Variants in SHBG observed in about 807,000 individuals in gnomAD.
SHBG encodes sex hormone-binding globulin.
In SHBG, 37 loss-of-function variants were observed where a neutral mutation model predicts 41.9. That is an observed-to-expected ratio of 0.88 (90% CI 0.68 to 1.16). The LOEUF is 1.16. Among genes scored for constraint, SHBG ranks in the 50% most tolerant of loss-of-function variants. The probability of loss-of-function intolerance (pLI) is 0.00; values close to 1 mark genes in which losing one functional copy is unlikely to be tolerated. For synonymous variants in SHBG, 217 were observed against 205.8 expected (o/e 1.05, Z -0.47); for missense variants, 466 against 499.9 (o/e 0.93, Z 0.65).
chr17:7,631,132 C>G lies in SHBG; in HGVS notation c.394-68C>G, dbSNP rs1213664869. 4 of 1,438,746 alleles carry G rather than the reference C, an allele frequency of 2.8e-6. No homozygotes were observed. The African/African-American group carries it at 5.7e-5, about 21-fold the overall frequency. The allele number at this position is 1,438,746 out of a possible 1,614,324, so 89.1% of individuals were successfully genotyped here. A position where few individuals can be genotyped will look rare whatever the true frequency, so the allele number is the denominator to read the frequency against. On this transcript the variant is annotated intron_variant, in intron 3 of 7. Transcript: ENST00000380450. Reference sequence around the variant, plus strand: ...ATGTTCTTTCCACTATAGTACTAGGCTGCCTCACAGGAAGGTGGCAGAAAC... The same window carrying G: ...ATGTTCTTTCCACTATAGTACTAGGGTGCCTCACAGGAAGGTGGCAGAAAC...
At chr17:7,614,347 A>G in intron 1 of SHBG, 2 of 837,944 alleles carry the variant, frequency 2.4e-6, no homozygotes, top group South Asian at 1.7e-5. Flanking sequence ...CAAGATTCTA[A>G]GGGCCAGGAC....
rs1490696951 is a variant in SHBG, at chr17:7,630,170, A to T, written c.-3A>T. On this transcript the variant is annotated 5_prime_UTR_variant, in exon 1 of 8. Transcript: ENST00000380450. The surrounding 1 kb of genome is among the most constrained non-coding windows in gnomAD (Gnocchi z 4.6). ...TGAGCCGCCGAGTGGACAGTGGCTG[A>T]TTATGGAGAGCAGAGGCCCACTGGC... The T allele has an allele frequency of 6.2e-7, 1 of 1,612,956 alleles. No individual in the cohort carries two copies. The highest frequency in any genetic ancestry group is 1.7e-5 in the Admixed American group (1 of 60,016).
At chr17:7,624,141 AG>A (rs2072148313), upstream of SHBG, among the ~76,000 whole-genome samples, 2 of 152,082 alleles carry the variant, frequency 1.3e-5, no homozygotes, top group Admixed American at 1.3e-4. Flanking sequence ...TAGTAGAAAC[AG>A]GGTTTCACCC....
Position 7,630,944 on chromosome 17 carries a change from G to T in SHBG, c.393+75G>T. On this transcript the variant is annotated intron_variant, in intron 3 of 7. Transcript: ENST00000380450. The surrounding 1 kb of genome is among the most constrained non-coding windows in gnomAD (Gnocchi z 4.6). ...GAAAGGGAACAAAACCAAGTTATTGGGCATCCCTCTACCACTGTCATCTCG... is the reference window on the plus strand; with the variant it reads ...GAAAGGGAACAAAACCAAGTTATTGTGCATCCCTCTACCACTGTCATCTCG... The T allele has an allele frequency of 7.2e-7, 1 of 1,383,898 alleles. No individual in the cohort carries two copies. 85.7% of individuals were successfully genotyped at this position (1,383,898 alleles called of 1,614,324 possible).
upstream of SHBG, among the ~76,000 whole-genome samples, chr17:7,629,557 G>T (rs971524597): frequency 2.0e-5 from 3 of 152,128 alleles, no homozygotes; most frequent in African/African-American, 7.2e-5. Flanking sequence ...CTTCTTGGGA[G>T]ACAGGCCTCA....
chr17:7,625,293 G>A (rs2072175375), upstream of SHBG, among the ~76,000 whole-genome samples: 1 of 151,678 alleles, frequency 6.6e-6, no homozygotes, highest in Non-Finnish European at 1.5e-5. Context: ...AATGAAGACT[G>A]TCAGGCCAGG....
chr17:7,622,705 T>C (rs1046292578), intron 1 of SHBG, among the ~76,000 whole-genome samples: 1 of 152,014 alleles, frequency 6.6e-6, no homozygotes, highest in Non-Finnish European at 1.5e-5. Flanking sequence ...TAGTAAGATC[T>C]GGGACCAAGG....
intron 1 of SHBG, among the ~76,000 whole-genome samples, chr17:7,622,009 T>C (rs2072107095): frequency 6.7e-6 from 1 of 149,896 alleles, no homozygotes; most frequent in Non-Finnish European, 1.5e-5. Flanking sequence ...GCTAATTTTT[T>C]TTTTTTTTTG....
chr17:7,617,808 G>T (rs569617452), intron 1 of SHBG, among the ~76,000 whole-genome samples: 47 of 152,282 alleles, frequency 3.1e-4, no homozygotes, highest in Non-Finnish European at 5.7e-4. Flanking sequence ...CCAAGGCCAG[G>T]TGTGGTGGCT....
At chr17:7,623,928 A>G (rs558783324), upstream of SHBG, among the ~76,000 whole-genome samples, 1 of 151,954 alleles carries the variant, frequency 6.6e-6, no homozygotes, top group African/African-American at 2.4e-5. Context: ...ACCTGGGCAA[A>G]TTTTATTTAT....
At chr17:7,621,705 A>C (rs896791029) in intron 1 of SHBG, among the ~76,000 whole-genome samples, 2 of 149,278 alleles carry the variant, frequency 1.3e-5, no homozygotes, top group African/African-American at 4.9e-5. Context: ...TATATCTGTG[A>C]AAAAAAAAAT....
intron 1 of SHBG, among the ~76,000 whole-genome samples, chr17:7,618,726 G>T (rs2072036993): frequency 1.3e-5 from 2 of 152,134 alleles, no homozygotes; most frequent in Admixed American, 1.3e-4. Context: ...AGTAAACATA[G>T]AAAGAGGAAA....
At chr17:7,632,135 G>C in intron 6 of SHBG, 120 bp downstream of exon 6, 1 of 1,075,086 alleles carries the variant, frequency 9.3e-7, no homozygotes, top group East Asian at 2.4e-5. Flanking sequence ...AACAAGACTG[G>C]CTCCACAGAA....
At chr17:7,616,921 A>G (rs371614108) in intron 1 of SHBG, among the ~76,000 whole-genome samples, 7 of 152,098 alleles carry the variant, frequency 4.6e-5, no homozygotes, top group African/African-American at 1.7e-4. Flanking sequence ...GGGCAAAAAG[A>G]GCGACACTCT....
Position 7,630,484 on chromosome 17 carries a change from C to T in SHBG, c.180C>T (p.Thr60=). Residue 60 remains threonine (T), a synonymous_variant, in exon 2 of 8, where the codon ACC becomes ACT. Coordinates refer to ENST00000380450, the MANE Select transcript of SHBG (RefSeq NM_001040.5). This position sits in a 1 kb window ranked among gnomAD's most constrained non-coding sequence, Gnocchi z 4.6. ...GACAAGAGCCTATCGCTGTCATGAC[C>T]TTTGACCTCACCAAGATCACAAAGT... ...GPGQEPIAVM[T]FDLTKITKTS... The T allele has an allele frequency of 6.2e-7, 1 of 1,614,148 alleles. No homozygotes were observed. Among genetic ancestry groups the T allele is most frequent in the Non-Finnish European group, 8.5e-7 (1 of 1,179,992 alleles).
intron 1 of SHBG, among the ~76,000 whole-genome samples, chr17:7,617,833 T>C (rs1423874787): frequency 1.3e-5 from 2 of 152,150 alleles, no homozygotes; most frequent in African/African-American, 4.8e-5. Flanking sequence ...CCTGTAATCC[T>C]GGCACTTTGC....
intron 3 of SHBG, 65 bp from the exon 4 acceptor site, chr17:7,631,135 C>T: frequency 6.9e-7 from 1 of 1,449,288 alleles, no homozygotes; most frequent in East Asian, 2.5e-5. Flanking sequence ...TACTAGGCTG[C>T]CTCACAGGAA....
At chr17:7,629,240 G>A (rs985835011), upstream of SHBG, among the ~76,000 whole-genome samples, 2 of 151,142 alleles carry the variant, frequency 1.3e-5, no homozygotes, top group Non-Finnish European at 2.9e-5. Flanking sequence ...GCTGGGCGTG[G>A]TGGTGCGTGC....
At chr17:7,614,180 G>A in intron 1 of SHBG, 3 of 659,204 alleles carry the variant, frequency 4.6e-6, no homozygotes, top group Non-Finnish European at 5.6e-6. Context: ...CCTGCGGAGC[G>A]GGGAGCGCCA....
Sources: gnomAD v4.1 joint callset for allele counts (sites outside exome capture counted in the v4.1 genomes callset) on GRCh38, gnomAD v4.1.1 for gene constraint, Gnocchi (gnomAD v3.1) non-coding constraint, MANE v1.5 for transcripts, NCBI Gene and HGNC (gene_info 2026-07-23, HGNC 2026-07-21) for gene names.